Variants in ATP6V0A2 observed in about 807,000 individuals in gnomAD.
The protein encoded by ATP6V0A2 is ATPase H+ transporting V0 subunit a2.
Under a neutral mutation model 104.4 loss-of-function variants are expected in ATP6V0A2, and 58 were observed. The observed-to-expected ratio is 0.56, with a 90% CI of 0.45 to 0.69. The LOEUF (loss-of-function observed/expected upper bound fraction) is 0.69. Ranked by LOEUF, ATP6V0A2 falls within the 30% of genes least tolerant of loss-of-function variation. ATP6V0A2 has a pLI of 0.00. For missense variants in ATP6V0A2, 938 were observed against 1,062.9 expected, an observed-to-expected ratio of 0.88 and a Z score of 1.63; for synonymous variants, 376 against 397.9, an observed-to-expected ratio of 0.95 and a Z score of 0.65.
chr12:123,737,880 C>T (rs1212194563), intron 9 of ATP6V0A2, among the ~76,000 whole-genome samples: 1 of 152,174 alleles, frequency 6.6e-6, no homozygotes, highest in Non-Finnish European at 1.5e-5. Flanking sequence ...CTTAATAAAA[C>T]TTCTCTATTT....
At chr12:123,729,856 C>T (rs141624370) in intron 6 of ATP6V0A2, among the ~76,000 whole-genome samples, 1,620 of 152,048 alleles carry the variant, frequency 0.011, 32 homozygotes, top group African/African-American at 0.037. Context: ...ACCCTGTCGC[C>T]CAGGCTGGAG....
At chr12:123,729,322 G>GTTTTTTGTTTTTTTT (rs746570781) in intron 6 of ATP6V0A2, among the ~76,000 whole-genome samples, 2 of 113,894 alleles carry the variant, frequency 1.8e-5, no homozygotes, top group African/African-American at 6.7e-5. Flanking sequence ...CAAGGAGGCT[G>GTTTTTTGTTTTTTTT]TTTTTTTTTT....
In ATP6V0A2 at chr12:123,756,709, G is replaced by C. The variant is rs986346537; in HGVS notation, c.2294-106G>C. The C allele has an allele frequency of 2.7e-5, 32 of 1,179,736 alleles. No individual in the cohort carries two copies. In the African/African-American group the frequency reaches 4.8e-4, roughly 18 times the overall value. 73.1% of individuals were successfully genotyped at this position (1,179,736 alleles called of 1,614,324 possible). A position where few individuals can be genotyped will look rare whatever the true frequency, so the allele number is the denominator to read the frequency against. On this transcript the variant is annotated intron_variant, in intron 18 of 19. Coordinates refer to ENST00000330342, the MANE Select transcript of ATP6V0A2 (RefSeq NM_012463.4). ...TTACATGTGTGTCTATTATTTTATG[G>C]GATAATAGTTCAGGGCCGTCAGGGG...
intron 10 of ATP6V0A2, 62 bp downstream of exon 10, chr12:123,743,997 G>A (rs1447725317): frequency 6.2e-7 from 1 of 1,600,424 alleles, no homozygotes; most frequent in Non-Finnish European, 8.6e-7. Context: ...CTTGCTCTAA[G>A]AATGGAATAG....
In ATP6V0A2 at chr12:123,712,647, G is replaced by A. The variant is rs1231152397; in HGVS notation, c.82G>A (p.Ala28Thr). 4 of 1,609,472 alleles carry A rather than the reference G, an allele frequency of 2.5e-6. No individual in the cohort carries two copies. Among genetic ancestry groups the A allele is most frequent in the South Asian group, 1.1e-5 (1 of 90,434 alleles). The change falls in exon 1 of 20, where the codon GCC (alanine) becomes ACC (threonine). Residue 28 changes from alanine (A) to threonine (T), a missense_variant. Transcript: ENST00000330342. ...QSGTAYECLS[A>T]LGEKGLVQFR... ...GGGCACGGCCTACGAGTGCCTCAGC[G>A]CCCTGGGCGAGAAAGGCCTGGTCCA...
In ATP6V0A2 at chr12:123,712,401, G is replaced by T. The variant is rs565075549; in HGVS notation, c.-165G>T. 23 of 379,102 alleles carry T rather than the reference G, an allele frequency of 6.1e-5. No individual in the cohort carries two copies. Among genetic ancestry groups the T allele is most frequent in the African/African-American group, 4.5e-4 (21 of 47,124 alleles). 23.5% of individuals were successfully genotyped at this position (379,102 alleles called of 1,614,324 possible). A position where few individuals can be genotyped will look rare whatever the true frequency, so the allele number is the denominator to read the frequency against. ...GGCAGCTGGAGCGGCGGCCGCGGTG[G>T]CAGAACCGGGGGCGGCCGCTGCAGT... On this transcript the variant is annotated 5_prime_UTR_variant, in exon 1 of 20. Transcript: ENST00000330342.
Position 123,712,603 on chromosome 12 carries a change from C to T in ATP6V0A2, c.38C>T (p.Ala13Val). The change falls in exon 1 of 20, where the codon GCG becomes GTG. Residue 13 changes from alanine to valine, a missense_variant. Ala to Val is a moderately conservative substitution (Grantham distance 64). Coordinates refer to ENST00000330342, the MANE Select transcript of ATP6V0A2 (RefSeq NM_012463.4). ...TTCCGGAGCGAGACCATGTGCCTGG[C>T]GCAGCTCTTCCTGCAGTCGGGCACG... Reference protein sequence around the residue: ...SLFRSETMCLAQLFLQSGTAY... With the variant: ...SLFRSETMCLVQLFLQSGTAY... The T allele has an allele frequency of 6.2e-7, 1 of 1,603,214 alleles. No individual in the cohort carries two copies. The highest frequency in any genetic ancestry group is 1.1e-5 in the South Asian group (1 of 89,514).
At chr12:123,716,297 C>T (rs1022041443) in intron 1 of ATP6V0A2, among the ~76,000 whole-genome samples, 5 of 152,052 alleles carry the variant, frequency 3.3e-5, no homozygotes, top group Non-Finnish European at 7.4e-5. Context: ...CAACTCCTGA[C>T]CTCAAGTCAT....
chr12:123,747,797 G>C, intron 14 of ATP6V0A2, 72 bp downstream of exon 14: 1 of 984,082 alleles, frequency 1.0e-6, no homozygotes, highest in South Asian at 1.3e-5. Context: ...GCTTCTTGTT[G>C]GTGACTGTAT....
chr12:123,757,964 A>G lies in ATP6V0A2; in HGVS notation c.2503A>G (p.Thr835Ala). The change falls in exon 20 of 20, where the codon ACC (threonine) becomes GCC (alanine). Residue 835 changes from threonine (T) to alanine (A), a missense_variant. Physicochemically the swap from Thr to Ala is moderately conservative, Grantham distance 58. Coordinates refer to ENST00000330342, the MANE Select transcript of ATP6V0A2 (RefSeq NM_012463.4). ...FQNKFYVGAG[T>A]KFVPFSFSLL... is the part of the protein sequence containing the mutation. The stretch of plus-strand genomic sequence containing the variant: ...GAACAAATTCTACGTTGGTGCAGGC[A>G]CCAAATTTGTTCCTTTCTCATTCAG... 1 of 1,606,274 alleles carries G rather than the reference A, an allele frequency of 6.2e-7. No homozygotes were observed.
intron 5 of ATP6V0A2, 76 bp from the exon 6 acceptor site, chr12:123,727,707 T>C: frequency 6.4e-7 from 1 of 1,565,840 alleles, no homozygotes; most frequent in Non-Finnish European, 8.8e-7. Flanking sequence ...AGAAATGAAG[T>C]CTTCATCATT....
chr12:123,736,428 G>A (rs1033348248), intron 8 of ATP6V0A2, among the ~76,000 whole-genome samples: 10 of 151,278 alleles, frequency 6.6e-5, no homozygotes, highest in Non-Finnish European at 1.2e-4. Context: ...TCCTGACCTC[G>A]TGATCCACCC....
chr12:123,735,919 T>C (rs1956548355), intron 8 of ATP6V0A2, among the ~76,000 whole-genome samples: 1 of 152,104 alleles, frequency 6.6e-6, no homozygotes. Flanking sequence ...TCGCCCAGGC[T>C]TGGAGTGCAG....
rs1353010546 is a variant in ATP6V0A2 at position 123,744,648 on chromosome 12, T to G, written c.1378T>G (p.Phe460Val). Residue 460 changes from phenylalanine (F) to valine (V), a missense_variant, in exon 12 of 20, where the codon TTC becomes GTC. Physicochemically the swap from Phe to Val is conservative, Grantham distance 50. Coordinates refer to ENST00000330342, the MANE Select transcript of ATP6V0A2 (RefSeq NM_012463.4). The surrounding 1 kb of genome is among the most constrained non-coding windows in gnomAD (Gnocchi z 5.4). ...GTACATCCTCCTGCTGATGGGGCTG[T>G]TCTCAGTGTACACTGGCCTCATCTA... ...GRYILLLMGL[F>V]SVYTGLIYND... is the part of the protein sequence containing the mutation. 1 of 1,613,906 alleles carries G rather than the reference T, an allele frequency of 6.2e-7. No individual in the cohort carries two copies. Among genetic ancestry groups the G allele is most frequent in the East Asian group, 2.2e-5 (1 of 44,884 alleles).
intron 17 of ATP6V0A2, among the ~76,000 whole-genome samples, chr12:123,753,074 C>G (rs1388444764): frequency 6.6e-6 from 1 of 151,930 alleles, no homozygotes; most frequent in Non-Finnish European, 1.5e-5. Context: ...ACCGCTGCCT[C>G]AGTCCCCTTC....
chr12:123,732,762 C>T (rs1349793845), intron 6 of ATP6V0A2: 1 of 149,912 alleles, frequency 6.7e-6, no homozygotes, highest in Non-Finnish European at 1.5e-5. Context: ...CCCTCCCTCC[C>T]TCCCGTCTCC....
Position 123,759,798 on chromosome 12 carries a change from A to G in ATP6V0A2, c.*1766A>G, listed in dbSNP as rs1956793217. On this transcript the variant is annotated 3_prime_UTR_variant, in exon 20 of 20. Coordinates refer to ENST00000330342, the MANE Select transcript of ATP6V0A2 (RefSeq NM_012463.4). Reference sequence around the variant, plus strand: ...AATTAAACCCTTTCAATTACAGTACAGATTCTGTGTGCTACTTGATGAGAT... The same window carrying G: ...AATTAAACCCTTTCAATTACAGTACGGATTCTGTGTGCTACTTGATGAGAT... 1.3e-5 allele frequency: 2 copies of G among 152,340 alleles called. No individual in the cohort carries two copies. Among genetic ancestry groups the G allele is most frequent in the South Asian group, 4.1e-4 (2 of 4,832 alleles). The allele number at this position is 152,340 out of a possible 1,614,324, so 9.4% of individuals were successfully genotyped here.
At chr12:123,740,557 A>G (rs947122718) in intron 9 of ATP6V0A2, among the ~76,000 whole-genome samples, 5 of 152,176 alleles carry the variant, frequency 3.3e-5, no homozygotes, top group Non-Finnish European at 5.9e-5. Context: ...CTTTCAATAT[A>G]TAGTCTTTGG....
At chr12:123,751,945 C>T (rs1265311415) in intron 16 of ATP6V0A2, among the ~76,000 whole-genome samples, 1 of 146,648 alleles carries the variant, frequency 6.8e-6, no homozygotes, top group Non-Finnish European at 1.5e-5. Flanking sequence ...ACTGCAACCT[C>T]TGCCCTCCGG....
Sources: gnomAD v4.1 joint callset for allele counts (sites outside exome capture counted in the v4.1 genomes callset) on GRCh38, gnomAD v4.1.1 for gene constraint, Gnocchi (gnomAD v3.1) non-coding constraint, MANE v1.5 for transcripts, NCBI Gene and HGNC (gene_info 2026-07-23, HGNC 2026-07-21) for gene names.